Variants in PARP12 observed in about 807,000 individuals in gnomAD.
PARP12 encodes poly(ADP-ribose) polymerase family member 12, also known as protein mono-ADP-ribosyltransferase PARP12.
PARP12 carries 59 observed loss-of-function variants against 72.4 expected under a neutral mutation model. The observed-to-expected ratio is 0.81, with a 90% CI of 0.66 to 1.01. The LOEUF is 1.01. PARP12 is among the 50% of genes least tolerant of loss of function. The probability of loss-of-function intolerance (pLI) is 0.00; values close to 1 mark genes in which losing one functional copy is unlikely to be tolerated. For missense variants in PARP12, 851 were observed against 914.0 expected (o/e 0.93, Z 0.89); for synonymous variants, 403 against 371.4 (o/e 1.09, Z -0.98).
chr7:140,028,142 GC>G (rs1219508769), intron 9 of PARP12, among the ~76,000 whole-genome samples: 1 of 152,184 alleles, frequency 6.6e-6, no homozygotes, highest in Admixed American at 6.5e-5. Context: ...ACTCAGCACA[GC>G]TCCCACTGGT....
chr7:140,027,846 T>C (rs1359222297), intron 9 of PARP12, among the ~76,000 whole-genome samples: 1 of 151,222 alleles, frequency 6.6e-6, no homozygotes, highest in Non-Finnish European at 1.5e-5. Context: ...GTCCCTGCCT[T>C]TTTTTTTTCT....
chr7:140,054,659 T>C lies in PARP12; in HGVS notation c.862+3A>G. On this transcript the variant is annotated splice_donor_region_variant and intron_variant, in intron 4 of 11. Transcript: ENST00000263549. ...TGGAATGAAGGAGCCTCTTCCAACT[T>C]ACCTTGAAAGCTACAACTTTTCCGG... 6.2e-7 allele frequency: 1 copy of C among 1,607,002 alleles called. No homozygotes were observed. Among genetic ancestry groups the C allele is most frequent in the South Asian group, 1.1e-5 (1 of 90,908 alleles).
In PARP12 at chr7:140,037,820, C is replaced by T. The variant is rs1444821307; in HGVS notation, c.1219G>A (p.Asp407Asn). The change falls in exon 7 of 12, where the codon GAC becomes AAC. Residue 407 changes from aspartate (D) to asparagine (N), a missense_variant. By Grantham distance (23) the Asp-to-Asn change is conservative. This residue lies in a region of PARP12 where 347 missense variants were observed against 396.1 expected (regional missense o/e 0.88). Transcript: ENST00000263549. The part of the protein sequence containing the change: ...VHPVTTVSSS[D>N]VEKAYLAYCT... ...TAGGCCAGGTAGGCCTTCTCCACGTCGCTACTGCTGACAGTGGTCACAGGG... is the reference window on the plus strand; with the variant it reads ...TAGGCCAGGTAGGCCTTCTCCACGTTGCTACTGCTGACAGTGGTCACAGGG... The T allele has an allele frequency of 8.1e-6, 13 of 1,613,748 alleles. No individual in the cohort carries two copies. The Admixed American group carries it at 8.3e-5, about 10-fold the overall frequency.
At chr7:140,047,769 C>T (rs1454006210) in intron 4 of PARP12, among the ~76,000 whole-genome samples, 1 of 152,036 alleles carries the variant, frequency 6.6e-6, no homozygotes, top group Non-Finnish European at 1.5e-5. Flanking sequence ...AGGTGTGCAC[C>T]ACCACACAGC....
chr7:140,026,299 G>T lies in PARP12; in HGVS notation c.1678C>A (p.Arg560=). 2.5e-6 allele frequency: 4 copies of T among 1,613,174 alleles called. No homozygotes were observed. The highest frequency in any genetic ancestry group is 2.5e-6 in the Non-Finnish European group (3 of 1,180,024). The change falls in exon 11 of 12, where the codon CGG becomes AGG. Residue 560 remains arginine, a synonymous_variant. Coordinates refer to ENST00000263549, the MANE Select transcript of PARP12 (RefSeq NM_022750.4). ...GCGCTGGTGCCGTGGAACAGCTGCCGCTCGTCCACGGCCTTCCCTCCGTTC... is the reference window on the plus strand; with the variant it reads ...GCGCTGGTGCCGTGGAACAGCTGCCTCTCGTCCACGGCCTTCCCTCCGTTC... ...KQNGGKAVDE[R]QLFHGTSAIF...
Position 140,023,875 on chromosome 7 carries a change from G to A in PARP12, c.*685C>T, listed in dbSNP as rs117174445. The A allele has an allele frequency of 0.017, 2,672 of 156,712 alleles. 37 individuals are homozygous for A. The highest frequency in any genetic ancestry group is 0.027 in the Non-Finnish European group (1,878 of 70,254). The allele number at this position is 156,712 out of a possible 1,614,324, so 9.7% of individuals were successfully genotyped here. On this transcript the variant is annotated 3_prime_UTR_variant, in exon 12 of 12. Transcript: ENST00000263549. ...GTGTGCTTAGGAAATGTGGGTTTGC[G>A]CAATCACAGGCCAAGCCTGGGGGTC...
chr7:140,034,131 G>C, intron 8 of PARP12, 104 bp downstream of exon 8: 1 of 1,460,878 alleles, frequency 6.8e-7, no homozygotes, highest in Admixed American at 2.3e-5. Flanking sequence ...CGTTGTACAA[G>C]CCAACGGTGC....
chr7:140,046,721 A>AGT (rs9340757), intron 5 of PARP12, among the ~76,000 whole-genome samples, 163 bp downstream of exon 5: 2,650 of 135,452 alleles, frequency 0.02, 72 homozygotes, highest in South Asian at 0.026. Context: ...GGTGGCTCAC[A>AGT]GTGTGTGTGT....
intron 5 of PARP12, among the ~76,000 whole-genome samples, 200 bp downstream of exon 5, chr7:140,046,684 T>C (rs1183477578): frequency 6.6e-6 from 1 of 151,552 alleles, no homozygotes; most frequent in Non-Finnish European, 1.5e-5. Flanking sequence ...GACTTTCGAT[T>C]CCAGCCCACC....
At position 140,028,813 on chromosome 7, in the gene PARP12, G is replaced by T. The variant is rs1296395323; in HGVS notation, c.1422-125C>A. 3.9e-6 allele frequency: 3 copies of T among 774,500 alleles called. No homozygotes were observed. The East Asian group carries it at 9.5e-5, about 25-fold the overall frequency. 48.0% of individuals were successfully genotyped at this position (774,500 alleles called of 1,614,324 possible). On this transcript the variant is annotated intron_variant, in intron 8 of 11. Coordinates refer to ENST00000263549, the MANE Select transcript of PARP12 (RefSeq NM_022750.4). Reference sequence around the variant, plus strand: ...TCAGCACATCATATTTCAAGAGCAGGTAGAAGGCAAGGAAGAATGTTAGCA... The same window carrying T: ...TCAGCACATCATATTTCAAGAGCAGTTAGAAGGCAAGGAAGAATGTTAGCA...
intron 7 of PARP12, among the ~76,000 whole-genome samples, chr7:140,036,650 A>C (rs951171484): frequency 1.1e-4 from 16 of 150,216 alleles, no homozygotes; most frequent in Non-Finnish European, 1.9e-4. Flanking sequence ...AAAAATAAAG[A>C]AAACCATAAA....
intron 4 of PARP12, among the ~76,000 whole-genome samples, chr7:140,054,210 GA>G (rs559805419): frequency 4.6e-5 from 7 of 151,946 alleles, no homozygotes; most frequent in East Asian, 1.9e-4. Context: ...GATCAATACA[GA>G]AAAAAAACCC....
intron 9 of PARP12, among the ~76,000 whole-genome samples, 173 bp downstream of exon 9, chr7:140,028,440 C>A (rs1443502436): frequency 5.9e-5 from 9 of 152,176 alleles, no homozygotes; most frequent in Admixed American, 5.9e-4. Context: ...AAAAACAAAA[C>A]CCTCTGCAAA....
At chr7:140,053,331 G>A (rs550482608) in intron 4 of PARP12, among the ~76,000 whole-genome samples, 1 of 152,220 alleles carries the variant, frequency 6.6e-6, no homozygotes. Flanking sequence ...GAGAAGCCAG[G>A]CACAAGATAA....
Position 140,057,142 on chromosome 7 carries a change from A to C in PARP12, c.474T>G (p.His158Gln). 1 of 1,612,182 alleles carries C rather than the reference A, an allele frequency of 6.2e-7. No homozygotes were observed. Among genetic ancestry groups the C allele is most frequent in the East Asian group, 2.2e-5 (1 of 44,864 alleles). Residue 158 changes from histidine (H) to glutamine (Q), a missense_variant, in exon 3 of 12, where the codon CAT (histidine) becomes CAG (glutamine). By Grantham distance (24) the His-to-Gln change is conservative (BLOSUM62 0). Transcript: ENST00000263549. ...CGTGGGGTCCATCTCCTTTGTTGTA[A>C]TGTTGGCAAATCTGTTGACAGAGAG... Reference protein sequence around the residue: ...DPWLLPEICQHYNKGDGPHGS... With the variant: ...DPWLLPEICQQYNKGDGPHGS...
chr7:140,056,056 G>C (rs528945782), intron 3 of PARP12, among the ~76,000 whole-genome samples: 23 of 152,356 alleles, frequency 1.5e-4, no homozygotes, highest in African/African-American at 5.5e-4. Context: ...CAAAGGTGCT[G>C]AATGAAAGAG....
Position 140,062,532 on chromosome 7 carries a change from G to T in PARP12, c.316C>A (p.Leu106Met). ...RFMVYGACKFLRAGKNCRNSH... is the reference protein window; with the variant it reads ...RFMVYGACKFMRAGKNCRNSH... ...GGCGCGGCGCCTTACCCGGCTCTCA[G>T]GAACTTGCAGGCGCCGTAGACCATG... The change falls in exon 1 of 12, where the codon CTG becomes ATG. Residue 106 changes from leucine (L) to methionine (M), a missense_variant. Leu to Met is a conservative substitution (Grantham distance 15). This residue lies in a region of PARP12 where 492 missense variants were observed against 489.3 expected (regional missense o/e 1.01). Transcript: ENST00000263549. 1 of 1,552,176 alleles carries T rather than the reference G, an allele frequency of 6.4e-7. No individual in the cohort carries two copies. The highest frequency in any genetic ancestry group is 8.7e-7 in the Non-Finnish European group (1 of 1,153,572).
intron 7 of PARP12, among the ~76,000 whole-genome samples, 170 bp downstream of exon 7, chr7:140,037,545 A>C (rs1585091363): frequency 6.6e-6 from 1 of 152,164 alleles, no homozygotes; most frequent in East Asian, 1.9e-4. Context: ...CCTCCACTGC[A>C]CAGGGCCAGT....
chr7:140,029,671 T>C (rs1271195798), intron 8 of PARP12, among the ~76,000 whole-genome samples: 2 of 152,082 alleles, frequency 1.3e-5, no homozygotes, highest in African/African-American at 2.4e-5. Flanking sequence ...TTTAAAAACA[T>C]ATGCAAGGAA....
Sources: gnomAD v4.1 joint callset for allele counts (sites outside exome capture counted in the v4.1 genomes callset) on GRCh38, gnomAD v4.1.1 for gene constraint, gnomAD v4.1.1 regional missense constraint, MANE v1.5 for transcripts, NCBI Gene and HGNC (gene_info 2026-07-23, HGNC 2026-07-21) for gene names.